The following ATP7A variants were observed in gnomAD, a reference collection of about 807,000 sequenced individuals.
ATP7A encodes ATPase copper transporting alpha, also known as copper-transporting ATPase 1.
Under a neutral mutation model 83.5 loss-of-function variants are expected in ATP7A, and 7 were observed. The ratio of observed to expected loss-of-function variants is 0.08; its 90% CI spans 0.05 to 0.16. The LOEUF (loss-of-function observed/expected upper bound fraction) is 0.16, where lower values mean the gene tolerates loss of function less well. Among genes scored for constraint, ATP7A ranks in the 10% least tolerant of loss-of-function variants. The pLI, the probability that ATP7A is intolerant of heterozygous loss-of-function variation, is 1.00. For missense variants in ATP7A, 940 were observed against 1,120.8 expected (o/e 0.84, Z 2.30); for synonymous variants, 354 against 395.2 (o/e 0.90, Z 1.24).
At chrX:77,917,085 T>C (rs782573614) in intron 1 of ATP7A, among the ~76,000 whole-genome samples, 7 of 111,871 alleles carry the variant, frequency 6.3e-5, no homozygotes, top group Middle Eastern at 4.6e-3. Flanking sequence ...CTGTGGAGTT[T>C]ACAGACTAGT....
chrX:77,931,656 C>T (rs1460336652), intron 1 of ATP7A, among the ~76,000 whole-genome samples: 18 of 103,632 alleles, frequency 1.7e-4, no homozygotes, highest in Admixed American at 5.0e-4. Context: ...ACCCGCCCAC[C>T]TCCCTCCCGG....
chrX:78,041,866 C>T (rs782780199), intron 19 of ATP7A, among the ~76,000 whole-genome samples: 1 of 110,234 alleles, frequency 9.1e-6, no homozygotes, highest in East Asian at 2.9e-4. Context: ...GCCTGTAATC[C>T]CAGCACTTTG....
At chrX:78,031,182 A>G (rs1557237019) in intron 15 of ATP7A, among the ~76,000 whole-genome samples, 1 of 112,151 alleles carries the variant, frequency 8.9e-6, no homozygotes. Flanking sequence ...AGCATGAACA[A>G]ACAGTTCAGC....
At chrX:77,968,977 T>C (rs1557229154) in intron 1 of ATP7A, 1 of 1,210,979 alleles carries the variant, frequency 8.3e-7, no homozygotes, top group Non-Finnish European at 1.1e-6. Context: ...CAAGTTCTTG[T>C]CCAATTCATA....
At chrX:77,961,528 A>G (rs1013984694) in intron 1 of ATP7A, among the ~76,000 whole-genome samples, 21 of 111,922 alleles carry the variant, frequency 1.9e-4, no homozygotes, top group African/African-American at 5.8e-4. Context: ...TTTGACCCAT[A>G]AGATACAGGA....
In ATP7A at chrX:78,046,662, T is replaced by C; in HGVS notation, c.*92T>C. On this transcript the variant is annotated 3_prime_UTR_variant, in exon 23 of 23. Coordinates refer to ENST00000341514, the MANE Select transcript of ATP7A (RefSeq NM_000052.7). ...CACTTTTCAAAATATTGTAGAAGGA[T>C]TTTTCTCATGCTCTTATATTAGGGA... The C allele has an allele frequency of 1.8e-6, 2 of 1,099,956 alleles. No homozygotes were observed. Among genetic ancestry groups the C allele is most frequent in the Non-Finnish European group, 2.5e-6 (2 of 800,525 alleles). 90.6% of individuals were successfully genotyped at this position (1,099,956 alleles called of 1,213,427 possible).
chrX:78,029,465 A>G, intron 15 of ATP7A, 21 bp downstream of exon 15: 3 of 1,184,675 alleles, frequency 2.5e-6, no homozygotes, highest in Non-Finnish European at 3.4e-6. Context: ...CCCCAGAACT[A>G]AAACCTGTAC....
chrX:78,010,635 A>G (rs1195916665), intron 7 of ATP7A, among the ~76,000 whole-genome samples: 6 of 81,980 alleles, frequency 7.3e-5, no homozygotes, highest in Non-Finnish European at 1.3e-4. Context: ...GCTGGAGTGC[A>G]GTGGTGCGAT....
intron 14 of ATP7A, among the ~76,000 whole-genome samples, chrX:78,026,842 G>A (rs2077947532): frequency 9.0e-6 from 1 of 111,609 alleles, no homozygotes; most frequent in Non-Finnish European, 1.9e-5. Context: ...TAACTTTTGG[G>A]TAAACAATGA....
Position 78,033,729 on chromosome X carries a change from A to G in ATP7A, c.3419A>G (p.Asn1140Ser). 8.3e-7 allele frequency: 1 copy of G among 1,210,688 alleles called. No individual in the cohort carries two copies. The highest frequency in any genetic ancestry group is 1.1e-6 in the Non-Finnish European group (1 of 894,755). ...AAGAATAACTGGAATATAGAGGACAATAATATTAAAAATGCATCCCTGGTT... is the reference window on the plus strand; with the variant it reads ...AAGAATAACTGGAATATAGAGGACAGTAATATTAAAAATGCATCCCTGGTT... ...LHKNNWNIEDNNIKNASLVQI... is the reference protein window; with the variant it reads ...LHKNNWNIEDSNIKNASLVQI... The change falls in exon 17 of 23, where the codon AAT (asparagine) becomes AGT (serine). Residue 1140 changes from asparagine (N) to serine (S), a missense_variant. Around this residue, in one of 3 missense-constraint regions of ATP7A, gnomAD observed 386 missense variants for 502.2 expected, o/e 0.77. Coordinates refer to ENST00000341514, the MANE Select transcript of ATP7A (RefSeq NM_000052.7).
chrX:78,031,561 C>T lies in ATP7A; in HGVS notation c.3273C>T (p.Ala1091=), dbSNP rs781852252. 3 of 1,210,779 alleles carry T rather than the reference C, an allele frequency of 2.5e-6. No individual in the cohort carries two copies. Among genetic ancestry groups the T allele is most frequent in the South Asian group, 1.8e-5 (1 of 56,984 alleles). Reference sequence around the variant, plus strand: ...ACAGTGAACACCCTCTAGGAACAGCCATAACCAAATATTGCAAACAGGTAC... The same window carrying T: ...ACAGTGAACACCCTCTAGGAACAGCTATAACCAAATATTGCAAACAGGTAC... The part of the protein sequence containing the change: ...ESNSEHPLGT[A]ITKYCKQELD... Residue 1091 remains alanine (A), a synonymous_variant, in exon 16 of 23, where the codon GCC becomes GCT. Transcript: ENST00000341514.
chrX:78,010,549 A>G (rs1329016806), intron 7 of ATP7A, among the ~76,000 whole-genome samples: 1 of 102,208 alleles, frequency 9.8e-6, no homozygotes, highest in South Asian at 4.6e-4. Context: ...GCCTTGAATA[A>G]TATGTTTAGT....
intron 19 of ATP7A, among the ~76,000 whole-genome samples, 185 bp downstream of exon 19, chrX:78,040,918 C>T (rs1456104942): frequency 1.8e-5 from 2 of 111,994 alleles, no homozygotes; most frequent in Admixed American, 9.5e-5. Context: ...TGCTGTTATA[C>T]GTAAAAAGGT....
chrX:77,980,042 T>C (rs1385679852), intron 2 of ATP7A, among the ~76,000 whole-genome samples: 1 of 112,133 alleles, frequency 8.9e-6, no homozygotes, highest in Non-Finnish European at 1.9e-5. Context: ...AGTGGAAGTA[T>C]AAAAACAAAT....
chrX:77,987,650 T>C (rs945982233), intron 2 of ATP7A, among the ~76,000 whole-genome samples: 17 of 111,306 alleles, frequency 1.5e-4, no homozygotes, highest in African/African-American at 4.9e-4. Flanking sequence ...AATAGTATGC[T>C]CTAGTGACTT....
rs1386383495 is a variant in ATP7A, at chrX:78,014,739, T to A, written c.2484T>A (p.Asp828Glu). The A allele has an allele frequency of 8.4e-7, 1 of 1,197,036 alleles. No homozygotes were observed. Among genetic ancestry groups the A allele is most frequent in the Non-Finnish European group, 1.1e-6 (1 of 884,425 alleles). The change falls in exon 11 of 23, where the codon GAT (aspartate) becomes GAA (glutamate). Residue 828 changes from aspartate to glutamate, a missense_variant. This residue lies in a region of ATP7A where 204 missense variants were observed against 185.8 expected (regional missense o/e 1.10). Transcript: ENST00000341514. The part of the protein sequence containing the change: ...TEATIVTLDS[D>E]NILLSEEQVD... ...CAACTATTGTAACTCTTGATTCTGA[T>A]AATATCCTCCTCAGGTATTTATCTT...
chrX:78,020,112 A>G, intron 12 of ATP7A, 132 bp from the exon 13 acceptor site: 1 of 806,148 alleles, frequency 1.2e-6, no homozygotes, highest in Non-Finnish European at 1.8e-6. Flanking sequence ...GAAAAAGGGA[A>G]AGCAACTTTC....
intron 6 of ATP7A, among the ~76,000 whole-genome samples, chrX:78,005,036 A>T (rs2077764432): frequency 9.0e-6 from 1 of 111,276 alleles, no homozygotes; most frequent in African/African-American, 3.3e-5. Context: ...AGCTGTGTTC[A>T]TGCCACTGCA....
chrX:77,977,469 G>A (rs1557230434), intron 2 of ATP7A, among the ~76,000 whole-genome samples: 2 of 112,312 alleles, frequency 1.8e-5, no homozygotes, highest in Non-Finnish European at 3.8e-5. Flanking sequence ...TCAACTCTCT[G>A]TCTAGCAAAC....
Sources: gnomAD v4.1 joint callset for allele counts (sites outside exome capture counted in the v4.1 genomes callset) on GRCh38, gnomAD v4.1.1 for gene constraint, gnomAD v4.1.1 regional missense constraint, MANE v1.5 for transcripts, NCBI Gene and HGNC (gene_info 2026-07-23, HGNC 2026-07-21) for gene names.